The following OLFM4 variants were observed in gnomAD, a reference collection of about 807,000 sequenced individuals.
OLFM4 encodes the protein olfactomedin-4.
In OLFM4, 22 loss-of-function variants were observed where a neutral mutation model predicts 25.5. The ratio of observed to expected loss-of-function variants is 0.86; its 90% CI spans 0.62 to 1.23. The LOEUF is 1.23. OLFM4 is among the 50% of genes most tolerant of loss of function. The pLI is 0.00. For synonymous variants in OLFM4, 255 were observed against 237.7 expected (o/e 1.07, Z -0.67); for missense variants, 594 against 619.4 (o/e 0.96, Z 0.44).
At position 53,028,879 on chromosome 13, in the gene OLFM4, C is replaced by G; in HGVS notation, c.43C>G (p.Leu15Val). Reference sequence around the variant, plus strand: ...ATTTCTCCTAGCCCTTCTGTTCTTCCTTGGCCAAGCTGCAGGGGATTTGGG... The same window carrying G: ...ATTTCTCCTAGCCCTTCTGTTCTTCGTTGGCCAAGCTGCAGGGGATTTGGG... ...LSFLLALLFF[L>V]GQAAGDLGDV... Residue 15 changes from leucine to valine, a missense_variant, in exon 1 of 5, where the codon CTT becomes GTT. Transcript: ENST00000219022. 1 of 1,614,206 alleles carries G rather than the reference C, an allele frequency of 6.2e-7. No individual in the cohort carries two copies. Among genetic ancestry groups the G allele is most frequent in the Non-Finnish European group, 8.5e-7 (1 of 1,180,020 alleles).
intron 4 of OLFM4, among the ~76,000 whole-genome samples, chr13:53,043,912 G>T (rs1183688866): frequency 6.6e-6 from 1 of 152,254 alleles, no homozygotes; most frequent in South Asian, 2.1e-4. Context: ...ATTCTCATTG[G>T]GGTTAAGTAC....
At chr13:53,043,362 A>T in intron 4 of OLFM4, 98 bp downstream of exon 4, 24 of 742,402 alleles carry the variant, frequency 3.2e-5, no homozygotes, top group South Asian at 4.2e-5. Flanking sequence ...TGAAAGAAGA[A>T]GGTGGGTTGT....
intron 2 of OLFM4, among the ~76,000 whole-genome samples, chr13:53,038,141 G>T (rs139500515): frequency 1.3e-5 from 2 of 152,240 alleles, no homozygotes; most frequent in African/African-American, 4.8e-5. Flanking sequence ...GACACAGGAC[G>T]TGTCTCCTCA....
intron 4 of OLFM4, among the ~76,000 whole-genome samples, chr13:53,048,949 T>C (rs1021803631): frequency 6.6e-6 from 1 of 152,222 alleles, no homozygotes; most frequent in African/African-American, 2.4e-5. Flanking sequence ...GGAGGAACTT[T>C]ATTTTATTTT....
rs780925802 is a variant in OLFM4, at chr13:53,050,025, A to T, written c.787A>T (p.Asn263Tyr). The T allele has an allele frequency of 1.2e-6, 2 of 1,613,508 alleles. No homozygotes were observed. The highest frequency in any genetic ancestry group is 4.5e-5 in the East Asian group (2 of 44,846). Residue 263 changes from asparagine (N) to tyrosine (Y), a missense_variant, in exon 5 of 5, where the codon AAC (asparagine) becomes TAC (tyrosine). Physicochemically the swap from Asn to Tyr is moderately radical, Grantham distance 143. Coordinates refer to ENST00000219022, the MANE Select transcript of OLFM4 (RefSeq NM_006418.5). The part of the protein sequence containing the change: ...NISKPSVVQL[N>Y]WRGFSYLYGA... ...CAGCAAACCGTCTGTGGTTCAGCTC[A>T]ACTGGAGAGGGTTTTCTTATCTATA...
intron 1 of OLFM4, among the ~76,000 whole-genome samples, chr13:53,031,979 C>G (rs969564013): frequency 1.3e-5 from 2 of 152,178 alleles, no homozygotes; most frequent in Non-Finnish European, 2.9e-5. Flanking sequence ...TCTTTGAATG[C>G]GAGGAGCAGA....
chr13:53,037,463 TA>T (rs1954664936), intron 2 of OLFM4, among the ~76,000 whole-genome samples: 1 of 152,208 alleles, frequency 6.6e-6, no homozygotes, highest in African/African-American at 2.4e-5. Flanking sequence ...TATAGTGAAA[TA>T]TAATAAATTA....
Position 53,028,828 on chromosome 13 carries a change from G to C in OLFM4, c.-9G>C. The C allele has an allele frequency of 6.2e-7, 1 of 1,613,782 alleles. No homozygotes were observed. Among genetic ancestry groups the C allele is most frequent in the African/African-American group, 1.3e-5 (1 of 75,026 alleles). ...CTGCAGAGCCAGCGGCTCCAGCTAA[G>C]AGGACAAGATGAGGCCCGGCCTCTC... On this transcript the variant is annotated 5_prime_UTR_variant, in exon 1 of 5. Coordinates refer to ENST00000219022, the MANE Select transcript of OLFM4 (RefSeq NM_006418.5).
rs765636262 is a variant in OLFM4 at position 53,028,950 on chromosome 13, A to G, written c.114A>G (p.Pro38=). The G allele has an allele frequency of 1.2e-5, 20 of 1,613,990 alleles. No individual in the cohort carries two copies. In the South Asian group the frequency reaches 1.9e-4, roughly 15 times the overall value. The part of the protein sequence containing the change: ...PIPSPGFSSF[P]GVDSSSSFSS... ...CCAGCCCCGGCTTCAGCTCTTTCCC[A>G]GGTGTTGACTCCAGCTCCAGCTTCA... The change falls in exon 1 of 5, where the codon CCA becomes CCG. Residue 38 remains proline (P), a synonymous_variant. Transcript: ENST00000219022.
At chr13:53,037,725 A>G (rs191221968) in intron 2 of OLFM4, among the ~76,000 whole-genome samples, 73 of 152,292 alleles carry the variant, frequency 4.8e-4, no homozygotes, top group African/African-American at 1.7e-3. Context: ...TGTCTTTACA[A>G]TCACTCCAGG....
chr13:53,050,209 C>T lies in OLFM4; in HGVS notation c.971C>T (p.Thr324Ile). The T allele has an allele frequency of 6.2e-7, 1 of 1,614,036 alleles. No individual in the cohort carries two copies. Among genetic ancestry groups the T allele is most frequent in the Non-Finnish European group, 8.5e-7 (1 of 1,179,946 alleles). Residue 324 changes from threonine (T) to isoleucine (I), a missense_variant, in exon 5 of 5, where the codon ACC becomes ATC. Physicochemically the swap from Thr to Ile is moderately conservative, Grantham distance 89. Coordinates refer to ENST00000219022, the MANE Select transcript of OLFM4 (RefSeq NM_006418.5). The stretch of plus-strand genomic sequence containing the variant: ...ATAAATGCTCGAGAGTTGCGGATCA[C>T]CTATGGCCAAGGTAGTGGTACAGCA... ...LYINARELRI[T>I]YGQGSGTAVY...
chr13:53,036,965 G>T (rs749480311), intron 2 of OLFM4, among the ~76,000 whole-genome samples: 1 of 152,186 alleles, frequency 6.6e-6, no homozygotes, highest in Non-Finnish European at 1.5e-5. Context: ...CATCCTCCAA[G>T]GTAGGCCCAG....
At chr13:53,043,669 G>C (rs534811216) in intron 4 of OLFM4, among the ~76,000 whole-genome samples, 2 of 152,282 alleles carry the variant, frequency 1.3e-5, no homozygotes, top group African/African-American at 4.8e-5. Flanking sequence ...CTTATCTGAT[G>C]AGCTGGGTTT....
At chr13:53,049,841 C>A (rs1029727491) in intron 4 of OLFM4, 128 bp from the exon 5 acceptor site, 20 of 963,464 alleles carry the variant, frequency 2.1e-5, no homozygotes, top group Non-Finnish European at 2.9e-5. Context: ...TCCATCAGAA[C>A]CACTGTTGTT....
At chr13:53,030,452 G>A (rs1372728669) in intron 1 of OLFM4, among the ~76,000 whole-genome samples, 34 of 152,156 alleles carry the variant, frequency 2.2e-4, no homozygotes, top group Admixed American at 2.0e-3. Flanking sequence ...ACAGGCACCC[G>A]CCACCACGCC....
chr13:53,050,243 C>T lies in OLFM4; in HGVS notation c.1005C>T (p.Asn335=), dbSNP rs777338240. Residue 335 remains asparagine, a synonymous_variant, in exon 5 of 5, where the codon AAC becomes AAT. Coordinates refer to ENST00000219022, the MANE Select transcript of OLFM4 (RefSeq NM_006418.5). ...YGQGSGTAVY[N]NNMYVNMYNT... ...AAGGTAGTGGTACAGCAGTTTACAA[C>T]AACAACATGTACGTCAACATGTACA... is the stretch of plus-strand genomic sequence containing the variant. 2 of 1,614,090 alleles carry T rather than the reference C, an allele frequency of 1.2e-6. No individual in the cohort carries two copies. Among genetic ancestry groups the T allele is most frequent in the East Asian group, 4.5e-5 (2 of 44,882 alleles).
chr13:53,039,491 T>C (rs78044128), intron 2 of OLFM4, among the ~76,000 whole-genome samples: 1 of 152,148 alleles, frequency 6.6e-6, no homozygotes, highest in Non-Finnish European at 1.5e-5. Flanking sequence ...AAAATAACCA[T>C]GTAACAACAG....
intron 4 of OLFM4, among the ~76,000 whole-genome samples, chr13:53,044,701 A>C (rs950438128): frequency 3.3e-5 from 5 of 152,176 alleles, no homozygotes; most frequent in African/African-American, 1.2e-4. Flanking sequence ...CGCATCCTGC[A>C]TAGGAGGTTT....
chr13:53,029,130 C>T lies in OLFM4; in HGVS notation c.204+90C>T, dbSNP rs200749151. 1.6e-4 allele frequency: 251 copies of T among 1,547,306 alleles called. 2 individuals are homozygous for T. The South Asian group carries it at 2.8e-3, about 17-fold the overall frequency. On this transcript the variant is annotated intron_variant, in intron 1 of 4. Coordinates refer to ENST00000219022, the MANE Select transcript of OLFM4 (RefSeq NM_006418.5). ...AATACAATTTCATGGATGGCTAGACCTGGGCACTCTAAAAGATTTACGACT... is the reference window on the plus strand; with the variant it reads ...AATACAATTTCATGGATGGCTAGACTTGGGCACTCTAAAAGATTTACGACT...
Sources: allele counts gnomAD v4.1 joint callset (sites outside exome capture counted in the v4.1 genomes callset), GRCh38; gene constraint gnomAD v4.1.1; transcripts MANE v1.5; gene names NCBI Gene and HGNC (gene_info 2026-07-23, HGNC 2026-07-21).